TMOD2: variants seen among roughly 807,000 people sequenced by gnomAD.
TMOD2 encodes the protein tropomodulin 2, also known as tropomodulin-2.
A neutral mutation model predicts 39.9 loss-of-function variants in TMOD2; 22 were observed. The observed-to-expected ratio is 0.55, with a 90% CI of 0.39 to 0.79. The LOEUF (loss-of-function observed/expected upper bound fraction) is 0.79, where lower values mean the gene tolerates loss of function less well. Among genes scored for constraint, TMOD2 ranks in the 30% least tolerant of loss-of-function variants. TMOD2 has a pLI of 0.00. For synonymous variants in TMOD2, 123 were observed against 146.1 expected, an observed-to-expected ratio of 0.84 and a Z score of 1.14; for missense variants, 386 against 413.3, an observed-to-expected ratio of 0.93 and a Z score of 0.57.
At chr15:51,756,996 T>C (rs980309546) in intron 1 of TMOD2, among the ~76,000 whole-genome samples, 2 of 152,222 alleles carry the variant, frequency 1.3e-5, no homozygotes, top group African/African-American at 2.4e-5. Flanking sequence ...GGAGGATACA[T>C]TGATATGCAG....
At chr15:51,763,989 C>T (rs1475886728) in intron 1 of TMOD2, among the ~76,000 whole-genome samples, 1 of 151,932 alleles carries the variant, frequency 6.6e-6, no homozygotes, top group Non-Finnish European at 1.5e-5. Flanking sequence ...TTAGTGGTAG[C>T]TGGCACCAGA....
chr15:51,776,873 A>G lies in TMOD2; in HGVS notation c.407-59A>G, dbSNP rs2055892598. 1.4e-5 allele frequency: 19 copies of G among 1,357,640 alleles called. No individual in the cohort carries two copies. In the South Asian group the frequency reaches 2.1e-4, roughly 15 times the overall value. The allele number at this position is 1,357,640 out of a possible 1,614,324, so 84.1% of individuals were successfully genotyped here. A position where few individuals can be genotyped will look rare whatever the true frequency, so the allele number is the denominator to read the frequency against. ...ATTGTTCTTCAAGGGACAAATTAACAATGTGGACATCCTAATGTGCTTCTC... is the reference window on the plus strand; with the variant it reads ...ATTGTTCTTCAAGGGACAAATTAACGATGTGGACATCCTAATGTGCTTCTC... On this transcript the variant is annotated intron_variant, in intron 4 of 9. Transcript: ENST00000249700.
chr15:51,786,832 T>G (rs1433798203), intron 7 of TMOD2, among the ~76,000 whole-genome samples: 1 of 152,258 alleles, frequency 6.6e-6, no homozygotes, highest in African/African-American at 2.4e-5. Context: ...CAGCACTGTT[T>G]ATTGGAAATA....
rs576404065 is a variant in TMOD2, at chr15:51,812,392, A to T, written c.*3938A>T. The T allele has an allele frequency of 6.6e-6, 1 of 152,230 alleles. No homozygotes were observed. Among genetic ancestry groups the T allele is most frequent in the Non-Finnish European group, 1.5e-5 (1 of 68,046 alleles). The allele number at this position is 152,230 out of a possible 1,614,324, so 9.4% of individuals were successfully genotyped here. ...GCCATGAGAACATTTCAGATGCTCAAACTGAAAATTCTTAAAACCAATATT... is the reference window on the plus strand; with the variant it reads ...GCCATGAGAACATTTCAGATGCTCATACTGAAAATTCTTAAAACCAATATT... On this transcript the variant is annotated 3_prime_UTR_variant, in exon 10 of 10. Coordinates refer to ENST00000249700, the MANE Select transcript of TMOD2 (RefSeq NM_014548.4).
intron 5 of TMOD2, among the ~76,000 whole-genome samples, chr15:51,779,469 C>A (rs2055914664): frequency 6.6e-6 from 1 of 151,884 alleles, no homozygotes; most frequent in Non-Finnish European, 1.5e-5. Context: ...CAAGCTCTGC[C>A]TCCCGGGTTC....
intron 7 of TMOD2, among the ~76,000 whole-genome samples, chr15:51,795,563 C>CTGCT (rs144124016): frequency 0.017 from 1,398 of 82,750 alleles, 18 homozygotes; most frequent in South Asian, 0.024. Flanking sequence ...TTCTTCTCTT[C>CTGCT]TGCTTGCTTG....
chr15:51,758,255 A>G (rs2055756211), intron 1 of TMOD2, among the ~76,000 whole-genome samples: 1 of 152,214 alleles, frequency 6.6e-6, no homozygotes. Flanking sequence ...TGAACATGTT[A>G]TTTTAATTAA....
At chr15:51,771,236 G>A (rs2055851586) in intron 3 of TMOD2, among the ~76,000 whole-genome samples, 1 of 152,190 alleles carries the variant, frequency 6.6e-6, no homozygotes, top group Non-Finnish European at 1.5e-5. Flanking sequence ...GAGCAGCAGA[G>A]CAGAGCGAAG....
intron 8 of TMOD2, among the ~76,000 whole-genome samples, chr15:51,802,113 T>C (rs576015699): frequency 4.7e-4 from 72 of 152,030 alleles, no homozygotes; most frequent in African/African-American, 1.7e-3. Flanking sequence ...GGAAGAAACA[T>C]AGTGTATGTT....
chr15:51,774,927 A>C lies in TMOD2; in HGVS notation c.406+1093A>C, dbSNP rs3794531. Among the ~76,000 whole-genome samples the C allele has an allele frequency of 1.7e-3, 261 of 152,190 alleles. 11 individuals are homozygous for C. The highest frequency in any genetic ancestry group is 0.017 in the East Asian group (88 of 5,188). ...ATTATTTGGAAGATACTAGATCCTGAAATTCATACAGTAAAACCAGAGAGA... is the reference window on the plus strand; with the variant it reads ...ATTATTTGGAAGATACTAGATCCTGCAATTCATACAGTAAAACCAGAGAGA... On this transcript the variant is annotated intron_variant, in intron 4 of 9. Transcript: ENST00000249700.
intron 3 of TMOD2, among the ~76,000 whole-genome samples, chr15:51,770,929 GA>G (rs1377503757): frequency 1.3e-5 from 2 of 152,150 alleles, no homozygotes; most frequent in Admixed American, 6.5e-5. Context: ...ATTTAATTGT[GA>G]AAAAAATTAT....
intron 4 of TMOD2, among the ~76,000 whole-genome samples, chr15:51,775,739 A>C (rs936727011): frequency 6.6e-6 from 1 of 151,792 alleles, no homozygotes; most frequent in Admixed American, 6.6e-5. Flanking sequence ...CACCACGCCC[A>C]GCTAATTTTT....
At chr15:51,769,124 C>T (rs1255228509) in intron 3 of TMOD2, among the ~76,000 whole-genome samples, 2 of 152,184 alleles carry the variant, frequency 1.3e-5, no homozygotes, top group African/African-American at 2.4e-5. Flanking sequence ...AAAAGAAACA[C>T]GATCAAATAT....
At chr15:51,789,780 A>C (rs2055997218) in intron 7 of TMOD2, among the ~76,000 whole-genome samples, 1 of 152,234 alleles carries the variant, frequency 6.6e-6, no homozygotes, top group African/African-American at 2.4e-5. Context: ...AACGAAATGA[A>C]GGCAGAAATA....
At chr15:51,787,362 C>T (rs1271461472) in intron 7 of TMOD2, among the ~76,000 whole-genome samples, 1 of 152,230 alleles carries the variant, frequency 6.6e-6, no homozygotes, top group East Asian at 1.9e-4. Flanking sequence ...TCGAACTGGG[C>T]GGGGCCCACC....
chr15:51,778,347 G>A (rs1203896669), intron 5 of TMOD2, among the ~76,000 whole-genome samples: 2 of 85,754 alleles, frequency 2.3e-5, no homozygotes, highest in Non-Finnish European at 4.2e-5. Flanking sequence ...GGGGTGGGGG[G>A]AGGGGGGAGG....
intron 7 of TMOD2, among the ~76,000 whole-genome samples, chr15:51,787,295 G>A (rs758768264): frequency 6.6e-6 from 1 of 152,232 alleles, no homozygotes; most frequent in Non-Finnish European, 1.5e-5. Context: ...ATCTGCCATT[G>A]CTGAGGCTTG....
At chr15:51,778,377 C>T (rs1178499692) in intron 5 of TMOD2, among the ~76,000 whole-genome samples, 2 of 148,762 alleles carry the variant, frequency 1.3e-5, no homozygotes, top group East Asian at 4.0e-4. Context: ...AGGCGATATA[C>T]CTAATGCTAA....
At chr15:51,803,770 C>T (rs1002599847) in intron 8 of TMOD2, among the ~76,000 whole-genome samples, 4 of 152,270 alleles carry the variant, frequency 2.6e-5, no homozygotes, top group South Asian at 2.1e-4. Flanking sequence ...ACTCAAAATA[C>T]AGGAACTGTA....
Sources: allele counts gnomAD v4.1 joint callset (sites outside exome capture counted in the v4.1 genomes callset), GRCh38; gene constraint gnomAD v4.1.1; transcripts MANE v1.5; gene names NCBI Gene and HGNC (gene_info 2026-07-23, HGNC 2026-07-21).